Variants in TAMM41 observed in about 807,000 individuals in gnomAD.
The protein encoded by TAMM41 is phosphatidate cytidylyltransferase, mitochondrial.
Under a neutral mutation model 44.1 loss-of-function variants are expected in TAMM41, and 36 were observed. The ratio of observed to expected loss-of-function variants is 0.82; its 90% CI spans 0.63 to 1.08. The LOEUF is 1.08. Among genes scored for constraint, TAMM41 ranks in the 50% least tolerant of loss-of-function variants. TAMM41 has a pLI of 0.00. For synonymous variants in TAMM41, 164 were observed against 153.1 expected, an observed-to-expected ratio of 1.07 and a Z score of -0.53; for missense variants, 417 against 404.3, an observed-to-expected ratio of 1.03 and a Z score of -0.27.
chr3:11,765,445 T>C, the TAMM41 span, among the ~76,000 whole-genome samples: 6 of 152,140 alleles, frequency 3.9e-5, no homozygotes, highest in Non-Finnish European at 8.8e-5. Context: ...TATAATGAAA[T>C]TGAGACTCAA....
At chr3:11,780,930 C>A in the TAMM41 span, among the ~76,000 whole-genome samples, 1 of 152,106 alleles carries the variant, frequency 6.6e-6, no homozygotes, top group African/African-American at 2.4e-5. Flanking sequence ...CGCTTCTCAC[C>A]TTGCATTATG....
At chr3:11,752,624 G>GGTTTT in the TAMM41 span, among the ~76,000 whole-genome samples, 1 of 64,952 alleles carries the variant, frequency 1.5e-5, no homozygotes, top group African/African-American at 5.0e-5. Flanking sequence ...TTCTTACAAA[G>GGTTTT]CTTTTTTTTT....
the TAMM41 span, among the ~76,000 whole-genome samples, chr3:11,747,825 G>C: frequency 6.6e-6 from 1 of 151,748 alleles, no homozygotes; most frequent in South Asian, 2.1e-4. Flanking sequence ...ATATTAGTGG[G>C]ACGCAGATGA....
At chr3:11,726,173 T>C in the TAMM41 span, among the ~76,000 whole-genome samples, 1 of 152,248 alleles carries the variant, frequency 6.6e-6, no homozygotes, top group Admixed American at 6.5e-5. Context: ...TTCTAGTCTA[T>C]ATCCCTTTGC....
At chr3:11,815,289 G>C (rs1244751244) in intron 5 of TAMM41, among the ~76,000 whole-genome samples, 1 of 152,154 alleles carries the variant, frequency 6.6e-6, no homozygotes, top group Admixed American at 6.5e-5. Flanking sequence ...ATGAAGGGAA[G>C]GTGGAGGAGT....
At chr3:11,736,939 G>A in the TAMM41 span, among the ~76,000 whole-genome samples, 1 of 152,160 alleles carries the variant, frequency 6.6e-6, no homozygotes, top group Non-Finnish European at 1.5e-5. Context: ...GAACTCTTCA[G>A]GGGATGATTC....
At chr3:11,746,408 C>CA in the TAMM41 span, among the ~76,000 whole-genome samples, 4 of 151,890 alleles carry the variant, frequency 2.6e-5, no homozygotes, top group African/African-American at 9.7e-5. Flanking sequence ...AAGACTTGTG[C>CA]ACAAATGTCA....
At chr3:11,800,545 GT>G (rs1157950341) in intron 7 of TAMM41, among the ~76,000 whole-genome samples, 7 of 27,950 alleles carry the variant, frequency 2.5e-4, no homozygotes, top group African/African-American at 1.3e-3. Context: ...ATCAAAAACA[GT>G]TAAAAAAAAA....
intron 7 of TAMM41, among the ~76,000 whole-genome samples, chr3:11,802,035 G>A (rs999097018): frequency 1.3e-5 from 2 of 152,064 alleles, no homozygotes; most frequent in Non-Finnish European, 2.9e-5. Context: ...CCAGGGCAAT[G>A]TGGCAAAATC....
chr3:11,770,528 G>C, the TAMM41 span, among the ~76,000 whole-genome samples: 1 of 152,196 alleles, frequency 6.6e-6, no homozygotes, highest in Non-Finnish European at 1.5e-5. Context: ...TGCTCTGCTT[G>C]CTGATGAAAG....
the TAMM41 span, among the ~76,000 whole-genome samples, chr3:11,753,804 C>G: frequency 1.3e-5 from 2 of 151,906 alleles, no homozygotes; most frequent in African/African-American, 2.4e-5. Flanking sequence ...AGACCTAAAA[C>G]AGGAGTGTGC....
downstream of TAMM41, among the ~76,000 whole-genome samples, chr3:11,786,090 G>A (rs538985713): frequency 6.6e-5 from 10 of 151,916 alleles, no homozygotes; most frequent in Non-Finnish European, 1.2e-4. Flanking sequence ...ACAGAGTCTC[G>A]CTCTGGTGCC....
intron 4 of TAMM41, among the ~76,000 whole-genome samples, chr3:11,818,591 CA>C (rs2078378393): frequency 6.6e-6 from 1 of 152,078 alleles, no homozygotes; most frequent in Non-Finnish European, 1.5e-5. Context: ...CTGGGGACTG[CA>C]AGCTTAGAAA....
chr3:11,748,801 G>A, the TAMM41 span, among the ~76,000 whole-genome samples: 1 of 152,162 alleles, frequency 6.6e-6, no homozygotes, highest in African/African-American at 2.4e-5. Context: ...ATGGTGTGGT[G>A]GAGAATGTGA....
At chr3:11,727,811 G>T in the TAMM41 span, among the ~76,000 whole-genome samples, 2 of 143,498 alleles carry the variant, frequency 1.4e-5, no homozygotes, top group Non-Finnish European at 3.0e-5. Context: ...TTTTGAGACA[G>T]AGTCTAGCTC....
chr3:11,841,092 T>C (rs1320657236), intron 2 of TAMM41, among the ~76,000 whole-genome samples: 2 of 141,092 alleles, frequency 1.4e-5, no homozygotes, highest in Non-Finnish European at 3.0e-5. Context: ...TTTTTTTTTT[T>C]TTTTTTTTGA....
chr3:11,748,610 T>C, the TAMM41 span, among the ~76,000 whole-genome samples: 2 of 151,580 alleles, frequency 1.3e-5, no homozygotes, highest in African/African-American at 4.8e-5. Context: ...AACTCCTGAC[T>C]TCAAGTGATC....
At chr3:11,824,357 A>ATTTTTTTTTT (rs34155955) in intron 4 of TAMM41, among the ~76,000 whole-genome samples, 1 of 105,134 alleles carries the variant, frequency 9.5e-6, no homozygotes, top group Non-Finnish European at 1.9e-5. Flanking sequence ...TGCCTGGCTA[A>ATTTTTTTTTT]TTTTTTTTTT....
the TAMM41 span, among the ~76,000 whole-genome samples, chr3:11,756,077 T>C: frequency 9.8e-5 from 15 of 152,290 alleles, no homozygotes; most frequent in East Asian, 3.9e-4. Flanking sequence ...CATCTTACCA[T>C]GAGTGAAATG....
Sources: allele counts gnomAD v4.1 joint callset (sites outside exome capture counted in the v4.1 genomes callset), GRCh38; gene constraint gnomAD v4.1.1; transcripts MANE v1.5; gene names NCBI Gene and HGNC (gene_info 2026-07-23, HGNC 2026-07-21).